Variants in CCSER1 observed in about 807,000 individuals in gnomAD.
CCSER1 encodes the protein coiled-coil serine rich protein 1, also known as serine-rich coiled-coil domain-containing protein 1.
CCSER1 carries 41 observed loss-of-function variants against 82.0 expected under a neutral mutation model. That is an observed-to-expected ratio of 0.50 (90% CI 0.39 to 0.65). The LOEUF (loss-of-function observed/expected upper bound fraction) is 0.65. Ranked by LOEUF, CCSER1 falls within the 30% of genes least tolerant of loss-of-function variation. The pLI is 0.00. For synonymous variants in CCSER1, 414 were observed against 383.9 expected (o/e 1.08, Z -0.92); for missense variants, 1,119 against 1,064.2 (o/e 1.05, Z -0.72).
chr4:90,567,351 C>T lies in CCSER1; in HGVS notation c.1725-60674C>T, dbSNP rs189934676. Among the ~76,000 whole-genome samples the T allele has an allele frequency of 1.3e-3, 190 of 149,176 alleles. 1 individual carries two copies. The East Asian group carries it at 0.034, about 27-fold the overall frequency. On this transcript the variant is annotated intron_variant, in intron 5 of 10. Transcript: ENST00000509176. Reference sequence around the variant, plus strand: ...CGGAGCCCAGGCTGGAGCGCAGTGGCGCCATCTCGGCTCACTGCAACCTCC... The same window carrying T: ...CGGAGCCCAGGCTGGAGCGCAGTGGTGCCATCTCGGCTCACTGCAACCTCC...
intron 3 of CCSER1, among the ~76,000 whole-genome samples, chr4:90,348,113 T>G (rs1307940162): frequency 4.6e-5 from 7 of 152,054 alleles, no homozygotes; most frequent in Admixed American, 2.0e-4. Flanking sequence ...TGGGGCCTTT[T>G]GGAGGCTGGA....
At chr4:90,318,578 A>C (rs193259542) in intron 3 of CCSER1, among the ~76,000 whole-genome samples, 1 of 152,352 alleles carries the variant, frequency 6.6e-6, no homozygotes, top group African/African-American at 2.4e-5. Context: ...AGAAGTAGTT[A>C]GTTGCAGATC....
At chr4:90,481,897 G>A (rs2153598641) in intron 5 of CCSER1, among the ~76,000 whole-genome samples, 1 of 152,268 alleles carries the variant, frequency 6.6e-6, no homozygotes, top group South Asian at 2.1e-4. Flanking sequence ...AAACGAGTTA[G>A]GGAGGATTCC....
chr4:91,569,531 G>C (rs1375750907), intron 10 of CCSER1, among the ~76,000 whole-genome samples: 1 of 152,122 alleles, frequency 6.6e-6, no homozygotes, highest in Non-Finnish European at 1.5e-5. Flanking sequence ...GGAGGCCTCA[G>C]GAAACTTAAC....
In CCSER1 at chr4:90,843,647, C is replaced by T. The variant is rs182750669; in HGVS notation, c.2094+27802C>T. Among the ~76,000 whole-genome samples the T allele has an allele frequency of 2.6e-4, 39 of 152,240 alleles. 1 individual carries two copies. The East Asian group carries it at 4.1e-3, about 16-fold the overall frequency. On this transcript the variant is annotated intron_variant, in intron 8 of 10. Coordinates refer to ENST00000509176, the MANE Select transcript of CCSER1 (RefSeq NM_001145065.2). ...ACAGAATCATTCTCTCATACCTATT[C>T]GTCCCTTCCTTCAACTTTTGCTGGA...
chr4:90,627,985 G>A (rs1427537150), intron 5 of CCSER1, 40 bp from the exon 6 acceptor site: 1 of 1,505,840 alleles, frequency 6.6e-7, no homozygotes, highest in Admixed American at 1.7e-5. Context: ...CTCTAAGCAT[G>A]CTGCACTGTA....
chr4:90,747,646 T>C (rs1747722639), intron 7 of CCSER1, among the ~76,000 whole-genome samples: 1 of 152,084 alleles, frequency 6.6e-6, no homozygotes, highest in Non-Finnish European at 1.5e-5. Context: ...CTTTTTTTTT[T>C]CTTTTTTTAA....
chr4:91,160,882 G>C (rs1731324684), intron 10 of CCSER1, among the ~76,000 whole-genome samples: 1 of 151,972 alleles, frequency 6.6e-6, no homozygotes, highest in South Asian at 2.1e-4. Context: ...AGTTTCTTTT[G>C]CTGTGCAGGA....
In CCSER1 at chr4:91,100,266, A is replaced by G. The variant is rs564926526; in HGVS notation, c.2217+14272A>G. On this transcript the variant is annotated intron_variant, in intron 10 of 10. Coordinates refer to ENST00000509176, the MANE Select transcript of CCSER1 (RefSeq NM_001145065.2). ...AACTACACATTACAAGACCATAATA[A>G]TTGTTCCTGTTTCAAAAGTTTGTTG... 3.3e-5 allele frequency among the ~76,000 whole-genome samples: 5 copies of G among 152,294 alleles called. No individual in the cohort carries two copies. The South Asian group carries it at 1.0e-3, about 32-fold the overall frequency.
At chr4:90,625,106 C>T (rs1723022744) in intron 5 of CCSER1, among the ~76,000 whole-genome samples, 2 of 151,960 alleles carry the variant, frequency 1.3e-5, no homozygotes, top group African/African-American at 2.4e-5. Flanking sequence ...GTTATATATC[C>T]CCAAGTGAAC....
At chr4:91,368,509 A>G (rs1296969830) in intron 10 of CCSER1, among the ~76,000 whole-genome samples, 1 of 152,132 alleles carries the variant, frequency 6.6e-6, no homozygotes, top group Non-Finnish European at 1.5e-5. Context: ...ACTTAAAAGC[A>G]TACATTTTAG....
chr4:90,304,223 T>C (rs994666777), intron 1 of CCSER1, among the ~76,000 whole-genome samples: 11 of 152,210 alleles, frequency 7.2e-5, no homozygotes, highest in African/African-American at 2.4e-4. Context: ...GTTCAACCAT[T>C]GTGGAAGTCA....
At chr4:91,274,116 G>A (rs915187910) in intron 10 of CCSER1, among the ~76,000 whole-genome samples, 1 of 152,098 alleles carries the variant, frequency 6.6e-6, no homozygotes, top group African/African-American at 2.4e-5. Flanking sequence ...CACTATCTTA[G>A]ATTTGGCATC....
At chr4:90,898,348 TCTCAG>T (rs1189703378) in intron 8 of CCSER1, among the ~76,000 whole-genome samples, 1 of 138,716 alleles carries the variant, frequency 7.2e-6, no homozygotes, top group African/African-American at 2.7e-5. Flanking sequence ...AATAGCACGA[TCTCAG>T]CTCACTGCAA....
At chr4:90,580,766 C>G (rs902098086) in intron 5 of CCSER1, among the ~76,000 whole-genome samples, 5 of 152,174 alleles carry the variant, frequency 3.3e-5, no homozygotes, top group African/African-American at 1.2e-4. Context: ...GTTACAAACT[C>G]TTTACATTTC....
chr4:91,533,267 T>C (rs962124045), intron 10 of CCSER1, among the ~76,000 whole-genome samples: 7 of 152,206 alleles, frequency 4.6e-5, no homozygotes, highest in African/African-American at 1.7e-4. Flanking sequence ...ATATGATTAA[T>C]GTGTATGAGT....
At chr4:90,339,828 A>G (rs1369919574) in intron 3 of CCSER1, among the ~76,000 whole-genome samples, 1 of 151,876 alleles carries the variant, frequency 6.6e-6, no homozygotes. Context: ...TTTACATAAT[A>G]TATGTTTGCT....
chr4:91,440,962 A>G (rs553170436), intron 10 of CCSER1, among the ~76,000 whole-genome samples: 127 of 152,114 alleles, frequency 8.3e-4, no homozygotes, highest in African/African-American at 2.8e-3. Flanking sequence ...AGGATCTGAA[A>G]TTGTGGCAAT....
chr4:90,581,863 G>A (rs949595524), intron 5 of CCSER1, among the ~76,000 whole-genome samples: 10 of 151,098 alleles, frequency 6.6e-5, no homozygotes, highest in Admixed American at 6.6e-4. Context: ...TTGATTTTTA[G>A]AGGAAAGGAA....
Sources: gnomAD v4.1 joint callset for allele counts (sites outside exome capture counted in the v4.1 genomes callset) on GRCh38, gnomAD v4.1.1 for gene constraint, MANE v1.5 for transcripts, NCBI Gene and HGNC (gene_info 2026-07-23, HGNC 2026-07-21) for gene names.